Variants in CEBPG observed in about 807,000 individuals in gnomAD.
CEBPG encodes CCAAT/enhancer-binding protein gamma.
Under a neutral mutation model 11.1 loss-of-function variants are expected in CEBPG, and 6 were observed. That is an observed-to-expected ratio of 0.54 (90% CI 0.30 to 1.07). The LOEUF (loss-of-function observed/expected upper bound fraction) is 1.07. Among genes scored for constraint, CEBPG ranks in the 50% least tolerant of loss-of-function variants. The pLI, the probability that CEBPG is intolerant of heterozygous loss-of-function variation, is 0.07. For missense variants in CEBPG, 161 were observed against 187.4 expected (o/e 0.86, Z 0.82); for synonymous variants, 66 against 71.0 (o/e 0.93, Z 0.36).
chr19:33,374,026 GGCC>G (rs1967878793), intron 1 of CEBPG, 131 bp downstream of exon 1: 1 of 150,468 alleles, frequency 6.6e-6, no homozygotes, highest in Admixed American at 6.6e-5. Flanking sequence ...GGCCCGGGAA[GGCC>G]ACGCGAGGCT....
In CEBPG at chr19:33,381,505, T is replaced by G. The variant is rs1012031556; in HGVS notation, c.*1813T>G. 1.2e-5 allele frequency: 2 copies of G among 166,946 alleles called. No homozygotes were observed. The highest frequency in any genetic ancestry group is 4.8e-5 in the African/African-American group (2 of 41,444). 10.3% of individuals were successfully genotyped at this position (166,946 alleles called of 1,614,324 possible). ...TCCAACACCAGCTTACCTTGGAGTA[T>G]GAATCTACCCATGAAGGATGAGAGA... On this transcript the variant is annotated 3_prime_UTR_variant, in exon 2 of 2. Coordinates refer to ENST00000284000, the MANE Select transcript of CEBPG (RefSeq NM_001806.4).
rs1967997450 is a variant in CEBPG, at chr19:33,382,111, TAGTTAGG to T, written c.*2427_*2433del. On this transcript the variant is annotated 3_prime_UTR_variant, in exon 2 of 2. Coordinates refer to ENST00000284000, the MANE Select transcript of CEBPG (RefSeq NM_001806.4). ...TCTGCCCTTGTGGGCAGGTCCAGCATAGTTAGGAGTTAGGCTTTAGCATAAATTTCTA... is the reference window on the plus strand; with the variant it reads ...TCTGCCCTTGTGGGCAGGTCCAGCATAGTTAGGCTTTAGCATAAATTTCTA... 1 of 167,110 alleles carries T rather than the reference TAGTTAGG, an allele frequency of 6.0e-6. No individual in the cohort carries two copies. Among genetic ancestry groups the T allele is most frequent in the Non-Finnish European group, 1.5e-5 (1 of 68,122 alleles). The allele number at this position is 167,110 out of a possible 1,614,324, so 10.4% of individuals were successfully genotyped here.
chr19:33,379,794 T>G lies in CEBPG; in HGVS notation c.*102T>G. On this transcript the variant is annotated 3_prime_UTR_variant, in exon 2 of 2. Coordinates refer to ENST00000284000, the MANE Select transcript of CEBPG (RefSeq NM_001806.4). ...GCTGAAAGTTGTCCATTTCCATGACTCAAAGACCCATTGGAGGCTATTTTC... is the reference window on the plus strand; with the variant it reads ...GCTGAAAGTTGTCCATTTCCATGACGCAAAGACCCATTGGAGGCTATTTTC... The G allele has an allele frequency of 9.1e-6, 10 of 1,093,090 alleles. No homozygotes were observed. The highest frequency in any genetic ancestry group is 1.3e-5 in the Non-Finnish European group (10 of 768,990). 67.7% of individuals were successfully genotyped at this position (1,093,090 alleles called of 1,614,324 possible).
Position 33,379,146 on chromosome 19 carries a change from A to G in CEBPG, c.-94A>G, listed in dbSNP as rs998867646. On this transcript the variant is annotated splice_region_variant and 5_prime_UTR_variant, in exon 2 of 2. Coordinates refer to ENST00000284000, the MANE Select transcript of CEBPG (RefSeq NM_001806.4). Reference sequence around the variant, plus strand: ...AATGCAATTTATTTTTTAACTAGGTACATGTGAAGATTTTTTGGCAGCTTA... The same window carrying G: ...AATGCAATTTATTTTTTAACTAGGTGCATGTGAAGATTTTTTGGCAGCTTA... 1.2e-5 allele frequency: 13 copies of G among 1,060,478 alleles called. No homozygotes were observed. In the African/African-American group the frequency reaches 2.1e-4, roughly 17 times the overall value. 65.7% of individuals were successfully genotyped at this position (1,060,478 alleles called of 1,614,324 possible). A position where few individuals can be genotyped will look rare whatever the true frequency, so the allele number is the denominator to read the frequency against.
intron 1 of CEBPG, among the ~76,000 whole-genome samples, chr19:33,378,355 C>T (rs371020558): frequency 1.3e-5 from 2 of 152,302 alleles, no homozygotes; most frequent in South Asian, 4.2e-4. Context: ...GGTCCCAGGA[C>T]CCGCACTTCC....
chr19:33,382,370 AT>A lies in CEBPG; in HGVS notation c.*2681del, dbSNP rs1426920471. On this transcript the variant is annotated 3_prime_UTR_variant, in exon 2 of 2. Transcript: ENST00000284000. ...AAAGTAGAAGTATAGACAGTTTAAC[AT>A]TTGGTATTAAAGGAGAGGAAATTGT... 6.0e-6 allele frequency: 1 copy of A among 167,134 alleles called. No individual in the cohort carries two copies. Among genetic ancestry groups the A allele is most frequent in the African/African-American group, 2.4e-5 (1 of 41,466 alleles). The allele number at this position is 167,134 out of a possible 1,614,324, so 10.4% of individuals were successfully genotyped here. A position where few individuals can be genotyped will look rare whatever the true frequency, so the allele number is the denominator to read the frequency against.
chr19:33,379,578 G>A lies in CEBPG; in HGVS notation c.339G>A (p.Lys113=). 1 of 1,614,012 alleles carries A rather than the reference G, an allele frequency of 6.2e-7. No individual in the cohort carries two copies. Among genetic ancestry groups the A allele is most frequent in the Non-Finnish European group, 8.5e-7 (1 of 1,179,972 alleles). Residue 113 remains lysine (K), a synonymous_variant, in exon 2 of 2, where the codon AAG becomes AAA. Transcript: ENST00000284000. ...RLEAKIKLLT[K]ELSVLKDLFL... ...AAGCAAAAATCAAATTGCTGACCAA[G>A]GAATTAAGTGTACTCAAAGATTTGT...
chr19:33,377,084 A>T (rs1967920403), intron 1 of CEBPG, among the ~76,000 whole-genome samples: 1 of 152,242 alleles, frequency 6.6e-6, no homozygotes, highest in Non-Finnish European at 1.5e-5. Context: ...GTACCTTGCA[A>T]GATGAGTCAG....
At position 33,380,456 on chromosome 19, in the gene CEBPG, CAG is replaced by C. The variant is rs1967971090; in HGVS notation, c.*765_*766del. The C allele has an allele frequency of 6.0e-6, 1 of 166,950 alleles. No individual in the cohort carries two copies. Among genetic ancestry groups the C allele is most frequent in the African/African-American group, 2.4e-5 (1 of 41,448 alleles). The allele number at this position is 166,950 out of a possible 1,614,324, so 10.3% of individuals were successfully genotyped here. On this transcript the variant is annotated 3_prime_UTR_variant, in exon 2 of 2. Transcript: ENST00000284000. ...ATTGTTTTATTCTAAAAACCCAACT[CAG>C]TGGTGTAGAGAAACTTGTGTACCAA... is the stretch of plus-strand genomic sequence containing the variant.
intron 1 of CEBPG, among the ~76,000 whole-genome samples, chr19:33,375,720 A>T (rs568972537): frequency 6.6e-6 from 1 of 152,234 alleles, no homozygotes; most frequent in African/African-American, 2.4e-5. Flanking sequence ...GCAGGGAGAC[A>T]CGATGCGGCT....
At position 33,381,583 on chromosome 19, in the gene CEBPG, CA is replaced by C. The variant is rs1967989600; in HGVS notation, c.*1892del. The C allele has an allele frequency of 6.0e-6, 1 of 167,062 alleles. No individual in the cohort carries two copies. The highest frequency in any genetic ancestry group is 1.5e-5 in the Non-Finnish European group (1 of 68,108). The allele number at this position is 167,062 out of a possible 1,614,324, so 10.3% of individuals were successfully genotyped here. On this transcript the variant is annotated 3_prime_UTR_variant, in exon 2 of 2. Transcript: ENST00000284000. Reference sequence around the variant, plus strand: ...CCACAGGATCCTACTGGCTCCTTAGCAGCTGATTGGTGTTACATAATTAACT... The same window carrying C: ...CCACAGGATCCTACTGGCTCCTTAGCGCTGATTGGTGTTACATAATTAACT...
chr19:33,374,356 G>A (rs1012422436), intron 1 of CEBPG: 4 of 152,208 alleles, frequency 2.6e-5, no homozygotes, highest in Non-Finnish European at 5.9e-5. Context: ...CTTCTAGAAG[G>A]GCTCAGCTTG....
At chr19:33,374,334 T>C (rs894786961) in intron 1 of CEBPG, 1 of 152,162 alleles carries the variant, frequency 6.6e-6, no homozygotes, top group Non-Finnish European at 1.5e-5. Flanking sequence ...AGTCGAGCTT[T>C]AGAATCCTGA....
In CEBPG at chr19:33,379,734, T is replaced by TA. The variant is rs775161251; in HGVS notation, c.*45dup. 1 of 1,540,098 alleles carries TA rather than the reference T, an allele frequency of 6.5e-7. No homozygotes were observed. The highest frequency in any genetic ancestry group is 1.2e-5 in the South Asian group (1 of 80,202). On this transcript the variant is annotated 3_prime_UTR_variant, in exon 2 of 2. Coordinates refer to ENST00000284000, the MANE Select transcript of CEBPG (RefSeq NM_001806.4). The stretch of plus-strand genomic sequence containing the variant: ...ACTTTAGAGCTTGTGGCTTGAATGT[T>TA]AAAGGTGTGACCACCGACACCACTC...
chr19:33,377,056 C>A (rs2145310152), intron 1 of CEBPG, among the ~76,000 whole-genome samples: 1 of 152,340 alleles, frequency 6.6e-6, no homozygotes, highest in Middle Eastern at 3.4e-3. Context: ...ACCTCACCTA[C>A]CACACACGTT....
chr19:33,374,180 C>T (rs1449302727), intron 1 of CEBPG: 3 of 150,120 alleles, frequency 2.0e-5, no homozygotes, highest in African/African-American at 7.3e-5. Flanking sequence ...GCGCCCCTCG[C>T]GGCGGGCCGG....
rs1967876383 is a variant in CEBPG at position 33,373,883 on chromosome 19, G to C, written c.-109G>C. On this transcript the variant is annotated 5_prime_UTR_variant, in exon 1 of 2. Coordinates refer to ENST00000284000, the MANE Select transcript of CEBPG (RefSeq NM_001806.4). ...GTGGAGGCCGCCTGGGGGCAGGCGG[G>C]CTAGAGGAGCAGGTAAGGAGGCTGC... 1 of 151,864 alleles carries C rather than the reference G, an allele frequency of 6.6e-6. No individual in the cohort carries two copies. Among genetic ancestry groups the C allele is most frequent in the Non-Finnish European group, 1.5e-5 (1 of 68,094 alleles). 9.4% of individuals were successfully genotyped at this position (151,864 alleles called of 1,614,324 possible). A position where few individuals can be genotyped will look rare whatever the true frequency, so the allele number is the denominator to read the frequency against.
Position 33,379,587 on chromosome 19 carries a change from T to G in CEBPG, c.348T>G (p.Ser116Arg). Residue 116 changes from serine to arginine, a missense_variant, in exon 2 of 2, where the codon AGT becomes AGG. Coordinates refer to ENST00000284000, the MANE Select transcript of CEBPG (RefSeq NM_001806.4). ...TCAAATTGCTGACCAAGGAATTAAG[T>G]GTACTCAAAGATTTGTTTCTTGAGC... ...AKIKLLTKEL[S>R]VLKDLFLEHA... is the part of the protein sequence containing the mutation. 1 of 1,614,052 alleles carries G rather than the reference T, an allele frequency of 6.2e-7. No individual in the cohort carries two copies. Among genetic ancestry groups the G allele is most frequent in the Non-Finnish European group, 8.5e-7 (1 of 1,179,986 alleles).
chr19:33,379,500 A>C lies in CEBPG; in HGVS notation c.261A>C (p.Ala87=). The change falls in exon 2 of 2, where the codon GCA becomes GCC. Residue 87 remains alanine (A), a synonymous_variant. Coordinates refer to ENST00000284000, the MANE Select transcript of CEBPG (RefSeq NM_001806.4). ...KKSRLKSKQK[A]QDTLQRVNQL... The stretch of plus-strand genomic sequence containing the variant: ...GCCGGTTGAAAAGCAAGCAGAAAGC[A>C]CAAGACACACTGCAGAGAGTCAATC... The C allele has an allele frequency of 6.2e-7, 1 of 1,614,148 alleles. No individual in the cohort carries two copies.
Sources: gnomAD v4.1 joint callset for allele counts (sites outside exome capture counted in the v4.1 genomes callset) on GRCh38, gnomAD v4.1.1 for gene constraint, MANE v1.5 for transcripts, NCBI Gene and HGNC (gene_info 2026-07-23, HGNC 2026-07-21) for gene names.